ST6GALNAC3: variants seen among roughly 807,000 people sequenced by gnomAD.
ST6GALNAC3 encodes ST6 N-acetylgalactosaminide alpha-2,6-sialyltransferase 3.
Under a neutral mutation model 32.7 loss-of-function variants are expected in ST6GALNAC3, and 25 were observed. That is an observed-to-expected ratio of 0.76 (90% CI 0.56 to 1.07). ST6GALNAC3 has a LOEUF of 1.07. Among genes scored for constraint, ST6GALNAC3 ranks in the 50% least tolerant of loss-of-function variants. ST6GALNAC3 has a pLI of 0.00. For missense variants in ST6GALNAC3, 355 were observed against 382.4 expected (o/e 0.93, Z 0.60); for synonymous variants, 129 against 133.1 (o/e 0.97, Z 0.21).
intron 1 of ST6GALNAC3, among the ~76,000 whole-genome samples, chr1:76,079,071 C>T (rs759626386): frequency 3.9e-5 from 6 of 152,118 alleles, no homozygotes; most frequent in Admixed American, 6.5e-5. Flanking sequence ...CATGAGCCAT[C>T]GTGCCTGGCC....
intron 2 of ST6GALNAC3, among the ~76,000 whole-genome samples, chr1:76,331,211 C>T (rs1647181167): frequency 6.6e-6 from 1 of 152,036 alleles, no homozygotes; most frequent in African/African-American, 2.4e-5. Context: ...GAACAACCGG[C>T]ATAGTTTGAT....
intron 1 of ST6GALNAC3, among the ~76,000 whole-genome samples, chr1:76,212,791 C>T (rs1655243129): frequency 1.3e-5 from 2 of 152,150 alleles, no homozygotes; most frequent in East Asian, 1.9e-4. Flanking sequence ...AGCTCATCCG[C>T]TCAGTGAAAT....
chr1:76,449,870 T>C (rs1439448096), intron 3 of ST6GALNAC3, among the ~76,000 whole-genome samples: 3 of 152,176 alleles, frequency 2.0e-5, no homozygotes, highest in Non-Finnish European at 1.5e-5. Flanking sequence ...TGGTCACATA[T>C]ATAAGTTCTT....
intron 1 of ST6GALNAC3, among the ~76,000 whole-genome samples, chr1:76,310,507 T>C (rs1253228653): frequency 6.6e-6 from 1 of 152,040 alleles, no homozygotes; most frequent in African/African-American, 2.4e-5. Flanking sequence ...TTCCAAATTA[T>C]GGGAGGTGAG....
At chr1:76,201,379 A>G (rs1050222054) in intron 1 of ST6GALNAC3, among the ~76,000 whole-genome samples, 1 of 152,200 alleles carries the variant, frequency 6.6e-6, no homozygotes. Context: ...ACTCACTATC[A>G]ATGAGAACAG....
chr1:76,321,219 C>G (rs904554043), intron 2 of ST6GALNAC3, among the ~76,000 whole-genome samples: 22 of 152,044 alleles, frequency 1.4e-4, no homozygotes, highest in South Asian at 8.4e-4. Context: ...GACACACTGG[C>G]AGGAAAGGCC....
intron 1 of ST6GALNAC3, among the ~76,000 whole-genome samples, chr1:76,220,690 G>T (rs1411464832): frequency 6.6e-6 from 1 of 152,162 alleles, no homozygotes; most frequent in Non-Finnish European, 1.5e-5. Context: ...GAAGGAGAGT[G>T]AGTGTTAACC....
chr1:76,430,522 C>T (rs1655677582), intron 3 of ST6GALNAC3, among the ~76,000 whole-genome samples: 1 of 152,172 alleles, frequency 6.6e-6, no homozygotes, highest in Non-Finnish European at 1.5e-5. Flanking sequence ...AAATGCTGTT[C>T]CTTTTCTACT....
At chr1:76,474,760 A>C (rs1659242956) in intron 3 of ST6GALNAC3, among the ~76,000 whole-genome samples, 1 of 152,158 alleles carries the variant, frequency 6.6e-6, no homozygotes, top group Non-Finnish European at 1.5e-5. Context: ...ATGTCAAGAG[A>C]AGGCGGAAGA....
At chr1:76,296,692 T>C (rs1246918204) in intron 1 of ST6GALNAC3, among the ~76,000 whole-genome samples, 3 of 152,066 alleles carry the variant, frequency 2.0e-5, no homozygotes, top group Non-Finnish European at 4.4e-5. Flanking sequence ...TCAGATATTA[T>C]ACTGGGATGA....
intron 3 of ST6GALNAC3, among the ~76,000 whole-genome samples, chr1:76,521,199 G>T (rs1662511187): frequency 6.6e-6 from 1 of 151,232 alleles, no homozygotes; most frequent in East Asian, 1.9e-4. Flanking sequence ...TATCCCTTTG[G>T]TATTATTGTC....
intron 3 of ST6GALNAC3, among the ~76,000 whole-genome samples, chr1:76,482,864 A>C (rs1659822599): frequency 1.4e-5 from 2 of 138,540 alleles, no homozygotes; most frequent in African/African-American, 2.6e-5. Context: ...TCCTAATGCT[A>C]TCCCTCCCCC....
intron 3 of ST6GALNAC3, among the ~76,000 whole-genome samples, chr1:76,615,020 A>G (rs1287703338): frequency 1.3e-5 from 2 of 152,046 alleles, no homozygotes; most frequent in African/African-American, 2.4e-5. Flanking sequence ...CTTGTACCCT[A>G]TAGGAGATTT....
chr1:76,388,452 C>T (rs966675349), intron 2 of ST6GALNAC3, among the ~76,000 whole-genome samples: 1 of 152,160 alleles, frequency 6.6e-6, no homozygotes, highest in Non-Finnish European at 1.5e-5. Flanking sequence ...AAAAGCACCA[C>T]AGGACTTTAT....
At chr1:76,504,752 T>C (rs113467597) in intron 3 of ST6GALNAC3, among the ~76,000 whole-genome samples, 2,245 of 152,320 alleles carry the variant, frequency 0.015, 34 homozygotes, top group Admixed American at 0.023. Context: ...TTTAATATTG[T>C]AAGATTTATA....
At chr1:76,231,813 T>C (rs1656375309) in intron 1 of ST6GALNAC3, among the ~76,000 whole-genome samples, 1 of 152,218 alleles carries the variant, frequency 6.6e-6, no homozygotes, top group African/African-American at 2.4e-5. Context: ...GGTGTGCAGA[T>C]ATCTCTTTGA....
chr1:76,449,991 G>A (rs78651919), intron 3 of ST6GALNAC3, among the ~76,000 whole-genome samples: 6,781 of 152,178 alleles, frequency 0.045, 517 homozygotes, highest in African/African-American at 0.16. Context: ...GGGCATTTGG[G>A]CAGGTTCCAT....
intron 1 of ST6GALNAC3, among the ~76,000 whole-genome samples, chr1:76,261,011 C>CACACAT (rs57760553): frequency 6.6e-6 from 1 of 151,056 alleles, no homozygotes; most frequent in Non-Finnish European, 1.5e-5. Context: ...CACACACACA[C>CACACAT]GCTGTGAAAT....
intron 1 of ST6GALNAC3, among the ~76,000 whole-genome samples, chr1:76,126,707 C>G (rs552702501): frequency 1.7e-4 from 26 of 152,286 alleles, no homozygotes; most frequent in African/African-American, 6.3e-4. Flanking sequence ...CGCTCTTCTG[C>G]AGTTCCATTC....
Sources: gnomAD v4.1 joint callset for allele counts (sites outside exome capture counted in the v4.1 genomes callset) on GRCh38, gnomAD v4.1.1 for gene constraint, MANE v1.5 for transcripts, NCBI Gene and HGNC (gene_info 2026-07-23, HGNC 2026-07-21) for gene names.